The following UNC13C variants were observed in gnomAD, a reference collection of about 807,000 sequenced individuals.
UNC13C encodes the protein unc-13 homolog C.
A neutral mutation model predicts 245.4 loss-of-function variants in UNC13C; 174 were observed. The observed-to-expected ratio is 0.71, with a 90% confidence interval of 0.63 to 0.80. The LOEUF (loss-of-function observed/expected upper bound fraction) is 0.80. UNC13C is among the 30% of genes least tolerant of loss of function. UNC13C has a pLI of 0.00. For missense variants in UNC13C, 2,829 were observed against 2,602.9 expected, an observed-to-expected ratio of 1.09 and a Z score of -1.89; for synonymous variants, 992 against 895.1, an observed-to-expected ratio of 1.11 and a Z score of -1.93.
chr15:54,346,114 T>C (rs1264559939), intron 17 of UNC13C, among the ~76,000 whole-genome samples: 1 of 152,250 alleles, frequency 6.6e-6, no homozygotes, highest in Non-Finnish European at 1.5e-5. Context: ...CATCATGTGA[T>C]ATCAGTTAGA....
At chr15:54,297,753 G>T (rs1193925023) in intron 11 of UNC13C, 58 bp from the exon 12 acceptor site, 12 of 1,262,530 alleles carry the variant, frequency 9.5e-6, no homozygotes, top group Non-Finnish European at 1.2e-5. Context: ...TTGAGAGGTC[G>T]TATGAGAAAA....
chr15:54,480,036 A>G (rs1893015174), intron 19 of UNC13C, among the ~76,000 whole-genome samples: 1 of 152,084 alleles, frequency 6.6e-6, no homozygotes, highest in East Asian at 1.9e-4. Context: ...CTGAGAAGCT[A>G]CTGTTGGTTT....
chr15:54,122,930 A>G lies in UNC13C; in HGVS notation c.2984-20088A>G, dbSNP rs530477015. On this transcript the variant is annotated intron_variant, in intron 2 of 32. Transcript: ENST00000260323. ...CTGCTATGAAATTTCACATTTAAGT[A>G]TTCATGTGAACATGTATTTTAATTT... Among the ~76,000 whole-genome samples, 73 of 152,186 alleles carry G rather than the reference A, an allele frequency of 4.8e-4. No individual in the cohort carries two copies. In the South Asian group the frequency reaches 0.011, roughly 22 times the overall value.
At chr15:53,918,831 T>C in the UNC13C span, among the ~76,000 whole-genome samples, 2 of 152,234 alleles carry the variant, frequency 1.3e-5, no homozygotes, top group African/African-American at 2.4e-5. Context: ...CTATAAGTCA[T>C]GGGCTTGTGA....
At chr15:53,946,983 C>T in the UNC13C span, among the ~76,000 whole-genome samples, 32 of 152,140 alleles carry the variant, frequency 2.1e-4, no homozygotes, top group East Asian at 3.9e-4. Flanking sequence ...CAGAGTCTAG[C>T]GGGTTCTAAT....
intron 4 of UNC13C, among the ~76,000 whole-genome samples, chr15:54,218,160 T>C (rs2035100175): frequency 6.6e-6 from 1 of 152,000 alleles, no homozygotes; most frequent in Non-Finnish European, 1.5e-5. Flanking sequence ...CAGACATTTT[T>C]CTGCTCCAGT....
intron 24 of UNC13C, among the ~76,000 whole-genome samples, chr15:54,518,301 A>C (rs879733740): frequency 6.6e-6 from 1 of 152,178 alleles, no homozygotes; most frequent in Non-Finnish European, 1.5e-5. Flanking sequence ...TTGGCGAGCC[A>C]TGTCAAAATG....
chr15:54,178,487 T>C (rs2033689387), intron 4 of UNC13C, among the ~76,000 whole-genome samples: 2 of 152,186 alleles, frequency 1.3e-5, no homozygotes, highest in African/African-American at 4.8e-5. Context: ...GAGTAACTCC[T>C]AGCATCTTAA....
At chr15:54,202,027 A>G (rs1032701031) in intron 4 of UNC13C, among the ~76,000 whole-genome samples, 18 of 152,004 alleles carry the variant, frequency 1.2e-4, no homozygotes, top group Non-Finnish European at 2.6e-4. Flanking sequence ...GCAATGAGCA[A>G]GCTGAGAATC....
the UNC13C span, among the ~76,000 whole-genome samples, chr15:53,942,087 A>G: frequency 6.6e-6 from 1 of 152,242 alleles, no homozygotes; most frequent in Non-Finnish European, 1.5e-5. Flanking sequence ...TTATTCTATT[A>G]TAAAGATACA....
chr15:54,259,347 A>T (rs1461436331), intron 8 of UNC13C, among the ~76,000 whole-genome samples: 1 of 152,236 alleles, frequency 6.6e-6, no homozygotes, highest in Non-Finnish European at 1.5e-5. Context: ...GTAATTTATA[A>T]AGAAAAGAGG....
chr15:54,274,473 G>T (rs1344447943), intron 10 of UNC13C, among the ~76,000 whole-genome samples: 4 of 151,988 alleles, frequency 2.6e-5, no homozygotes, highest in Non-Finnish European at 4.4e-5. Flanking sequence ...TTTTACAAAT[G>T]AGAAACCTTT....
At chr15:54,382,405 A>G (rs1046382265) in intron 17 of UNC13C, among the ~76,000 whole-genome samples, 9 of 152,092 alleles carry the variant, frequency 5.9e-5, no homozygotes, top group Non-Finnish European at 1.3e-4. Flanking sequence ...CCTGGGCAAC[A>G]TGGCAAAACT....
intron 24 of UNC13C, among the ~76,000 whole-genome samples, chr15:54,516,295 C>T (rs1894971100): frequency 6.6e-6 from 1 of 152,192 alleles, no homozygotes; most frequent in Non-Finnish European, 1.5e-5. Flanking sequence ...GGAAATAATA[C>T]TCCATGCCAG....
chr15:54,569,908 C>G (rs1897675668), intron 30 of UNC13C, among the ~76,000 whole-genome samples: 1 of 152,006 alleles, frequency 6.6e-6, no homozygotes, highest in African/African-American at 2.4e-5. Flanking sequence ...TTTCCACCTC[C>G]TCCAGCCCTC....
chr15:54,062,943 C>T (rs1897030), intron 2 of UNC13C, among the ~76,000 whole-genome samples: 2 of 152,274 alleles, frequency 1.3e-5, no homozygotes, highest in East Asian at 3.9e-4. Flanking sequence ...GTTGTAATTA[C>T]GAATGCTCAT....
At chr15:54,164,182 G>A (rs571331347) in intron 4 of UNC13C, among the ~76,000 whole-genome samples, 113 of 152,144 alleles carry the variant, frequency 7.4e-4, no homozygotes, top group African/African-American at 2.7e-3. Flanking sequence ...GCTAGCTAAA[G>A]GTAATTACAT....
chr15:54,218,425 A>G (rs1336687299), intron 4 of UNC13C, among the ~76,000 whole-genome samples: 4 of 151,998 alleles, frequency 2.6e-5, no homozygotes, highest in African/African-American at 9.7e-5. Context: ...AATGGTAAGT[A>G]GGTGTTAGCA....
chr15:54,524,023 G>A (rs1376734534), intron 24 of UNC13C, among the ~76,000 whole-genome samples: 1 of 152,146 alleles, frequency 6.6e-6, no homozygotes, highest in Non-Finnish European at 1.5e-5. Context: ...ATGTTTTCTT[G>A]GTTAGGGGTT....
Sources: allele counts gnomAD v4.1 joint callset (sites outside exome capture counted in the v4.1 genomes callset), GRCh38; gene constraint gnomAD v4.1.1; transcripts MANE v1.5; gene names NCBI Gene and HGNC (gene_info 2026-07-23, HGNC 2026-07-21).